TRAPPC9: variants seen among roughly 807,000 people sequenced by gnomAD.
The protein encoded by TRAPPC9 is IKK2 binding protein.
Under a neutral mutation model 124.0 loss-of-function variants are expected in TRAPPC9, and 83 were observed. The observed-to-expected ratio is 0.67, with a 90% CI of 0.56 to 0.80. The LOEUF (loss-of-function observed/expected upper bound fraction) is 0.80. Among genes scored for constraint, TRAPPC9 ranks in the 30% least tolerant of loss-of-function variants. The pLI is 0.00. For synonymous variants in TRAPPC9, 638 were observed against 617.5 expected (o/e 1.03, Z -0.49); for missense variants, 1,302 against 1,508.3 (o/e 0.86, Z 2.27).
chr8:139,946,568 G>T (rs1277122984), intron 19 of TRAPPC9, among the ~76,000 whole-genome samples: 1 of 152,044 alleles, frequency 6.6e-6, no homozygotes, highest in Non-Finnish European at 1.5e-5. Flanking sequence ...CAAGCATTTA[G>T]CAAGGTATGC....
intron 21 of TRAPPC9, among the ~76,000 whole-genome samples, chr8:139,761,476 G>A (rs988836039): frequency 1.3e-5 from 2 of 152,124 alleles, no homozygotes; most frequent in African/African-American, 4.8e-5. Flanking sequence ...AAGTGATGAT[G>A]CGGTGTGCGC....
chr8:139,831,453 G>A (rs150598488), intron 21 of TRAPPC9, among the ~76,000 whole-genome samples: 2 of 152,214 alleles, frequency 1.3e-5, no homozygotes, highest in African/African-American at 4.8e-5. Context: ...ATGCAAGCAC[G>A]CACACTAACA....
chr8:140,226,591 C>CAA lies in TRAPPC9; in HGVS notation c.2432-5010_2432-5009dup, dbSNP rs35750675. Among the ~76,000 whole-genome samples the CAA allele has an allele frequency of 2.6e-3, 273 of 103,234 alleles. 4 individuals are homozygous for CAA. Among genetic ancestry groups the CAA allele is most frequent in the South Asian group, 0.011 (37 of 3,258 alleles). 67.7% of individuals were successfully genotyped at this position (103,234 alleles called of 152,430 possible). A position where few individuals can be genotyped will look rare whatever the true frequency, so the allele number is the denominator to read the frequency against. On this transcript the variant is annotated intron_variant, in intron 16 of 22. Transcript: ENST00000438773. ...TGGGTGACAGGGAGAGACTCGGTCTCAAAAAAAAAAAAAAAGAAAGAAAAA... is the reference window on the plus strand; with the variant it reads ...TGGGTGACAGGGAGAGACTCGGTCTCAAAAAAAAAAAAAAAAAGAAAGAAAAA...
intron 17 of TRAPPC9, among the ~76,000 whole-genome samples, chr8:140,107,076 T>C (rs2060680274): frequency 6.6e-6 from 1 of 152,204 alleles, no homozygotes; most frequent in African/African-American, 2.4e-5. Flanking sequence ...GAATGATCCA[T>C]GGCTTTAAAT....
intron 15 of TRAPPC9, among the ~76,000 whole-genome samples, chr8:140,272,788 A>C (rs2064997357): frequency 6.6e-6 from 1 of 152,026 alleles, no homozygotes; most frequent in Non-Finnish European, 1.5e-5. Flanking sequence ...GAGAACTAAC[A>C]GAGTGAAAAC....
intron 17 of TRAPPC9, among the ~76,000 whole-genome samples, chr8:140,151,620 C>A (rs1329679614): frequency 3.9e-5 from 6 of 152,148 alleles, no homozygotes; most frequent in Non-Finnish European, 8.8e-5. Context: ...CCTCATTTTA[C>A]CTGGATGACT....
At chr8:140,017,569 G>A (rs73355364) in intron 18 of TRAPPC9, among the ~76,000 whole-genome samples, 35 of 152,194 alleles carry the variant, frequency 2.3e-4, no homozygotes, top group African/African-American at 8.0e-4. Context: ...ATCTATTATG[G>A]TCCATTGATC....
At position 139,778,540 on chromosome 8, in the gene TRAPPC9, A is replaced by G. The variant is rs556320548; in HGVS notation, c.3056-46338T>C. Among the ~76,000 whole-genome samples, 4 of 152,370 alleles carry G rather than the reference A, an allele frequency of 2.6e-5. No homozygotes were observed. In the South Asian group the frequency reaches 8.3e-4, roughly 32 times the overall value. On this transcript the variant is annotated intron_variant, in intron 21 of 22. Transcript: ENST00000438773. ...GTGAGGACATTAAAACAGTTATCAT[A>G]ACTGTATTCTATTTGTTCAAAAATT...
intron 6 of TRAPPC9, among the ~76,000 whole-genome samples, chr8:140,401,471 C>T (rs1402486198): frequency 6.6e-6 from 1 of 152,090 alleles, no homozygotes; most frequent in Non-Finnish European, 1.5e-5. Context: ...AACACAGGGA[C>T]TTGATTCTAT....
At chr8:139,942,311 T>A (rs891086695) in intron 19 of TRAPPC9, among the ~76,000 whole-genome samples, 6 of 152,190 alleles carry the variant, frequency 3.9e-5, no homozygotes, top group Non-Finnish European at 8.8e-5. Flanking sequence ...AATAGTTATT[T>A]ATTGAATCCC....
chr8:140,370,181 CCA>C lies in TRAPPC9; in HGVS notation c.1351+781_1351+782del, dbSNP rs2068240909. ...TTTAGATAAGGTCTTTCTCTGTCGC[CCA>C]GGCTGGAGTGCAGTAGCACGATCCC... On this transcript the variant is annotated intron_variant, in intron 8 of 22. Coordinates refer to ENST00000438773, the MANE Select transcript of TRAPPC9 (RefSeq NM_001160372.4). Among the ~76,000 whole-genome samples the C allele has an allele frequency of 2.0e-5, 3 of 151,882 alleles. No homozygotes were observed. In the South Asian group the frequency reaches 6.3e-4, roughly 32 times the overall value.
chr8:139,814,420 G>A (rs1405019263), intron 21 of TRAPPC9, among the ~76,000 whole-genome samples: 1 of 152,168 alleles, frequency 6.6e-6, no homozygotes, highest in African/African-American at 2.4e-5. Flanking sequence ...CTAGCAGGAG[G>A]GAGGGTAAGA....
At chr8:140,105,731 A>G (rs1190619898) in intron 17 of TRAPPC9, among the ~76,000 whole-genome samples, 1 of 152,064 alleles carries the variant, frequency 6.6e-6, no homozygotes, top group Non-Finnish European at 1.5e-5. Flanking sequence ...CCTCTGGGAC[A>G]CTTTCTTTTT....
intron 19 of TRAPPC9, among the ~76,000 whole-genome samples, chr8:139,927,443 A>C (rs1832882686): frequency 1.3e-5 from 2 of 152,104 alleles, no homozygotes; most frequent in African/African-American, 2.4e-5. Flanking sequence ...ATGAGTTCTC[A>C]TTATGTTGTC....
At chr8:140,166,774 C>T (rs376256536) in intron 17 of TRAPPC9, among the ~76,000 whole-genome samples, 1 of 152,202 alleles carries the variant, frequency 6.6e-6, no homozygotes, top group Non-Finnish European at 1.5e-5. Context: ...CTTGCCTATC[C>T]GTCTTTTTCT....
intron 17 of TRAPPC9, chr8:140,099,338 C>A (rs982500744): frequency 6.6e-6 from 1 of 151,348 alleles, no homozygotes; most frequent in African/African-American, 2.4e-5. Flanking sequence ...TGCCGCAATC[C>A]GCAGGCTACT....
intron 17 of TRAPPC9, among the ~76,000 whole-genome samples, chr8:140,119,744 A>T (rs758631831): frequency 9.2e-5 from 14 of 152,222 alleles, no homozygotes; most frequent in Non-Finnish European, 1.8e-4. Context: ...CCAGGTCTTT[A>T]ACTCCAAATT....
intron 17 of TRAPPC9, among the ~76,000 whole-genome samples, chr8:140,167,425 C>T (rs1218487382): frequency 6.6e-6 from 1 of 152,154 alleles, no homozygotes; most frequent in Non-Finnish European, 1.5e-5. Context: ...GTACTTTGCA[C>T]ACCACAGCAC....
rs1338319037 is a variant in TRAPPC9, at chr8:140,269,542, AAAAAT to A, written c.2278+6111_2278+6115del. ...GGTGACAGAGCAAGACTCTGTCTCA[AAAAAT>A]AAAATAAAATAAATAAATAAATAAA... On this transcript the variant is annotated intron_variant, in intron 15 of 22. Transcript: ENST00000438773. 8.2e-3 allele frequency among the ~76,000 whole-genome samples: 1,173 copies of A among 143,902 alleles called. 14 individuals are homozygous for A. The highest frequency in any genetic ancestry group is 0.029 in the African/African-American group (1,118 of 38,750). The allele number at this position is 143,902 out of a possible 152,430, so 94.4% of individuals were successfully genotyped here. A position where few individuals can be genotyped will look rare whatever the true frequency, so the allele number is the denominator to read the frequency against.
Sources: allele counts gnomAD v4.1 joint callset (sites outside exome capture counted in the v4.1 genomes callset), GRCh38; gene constraint gnomAD v4.1.1; transcripts MANE v1.5; gene names NCBI Gene and HGNC (gene_info 2026-07-23, HGNC 2026-07-21).